The following PXT1 variants were observed in gnomAD, a reference collection of about 807,000 sequenced individuals.
PXT1 encodes the protein peroxisomal testis-specific protein 1.
PXT1 carries 11 observed loss-of-function variants against 11.0 expected under a neutral mutation model. The ratio of observed to expected loss-of-function variants is 1.00; its 90% CI spans 0.63 to 1.66. The LOEUF is 1.66. PXT1 is among the 40% of genes most tolerant of loss of function. The pLI is 0.00. For missense variants in PXT1, 141 were observed against 155.5 expected (o/e 0.91, Z 0.49); for synonymous variants, 43 against 51.4 (o/e 0.84, Z 0.70).
At chr6:36,411,839 C>T (rs1458628536) in intron 3 of PXT1, among the ~76,000 whole-genome samples, 1 of 151,902 alleles carries the variant, frequency 6.6e-6, no homozygotes, top group African/African-American at 2.4e-5. Context: ...GTCCCACCTA[C>T]TCAGAGGCCG....
intron 3 of PXT1, among the ~76,000 whole-genome samples, chr6:36,402,180 C>T (rs533970759): frequency 6.6e-6 from 1 of 152,050 alleles, no homozygotes; most frequent in Non-Finnish European, 1.5e-5. Flanking sequence ...TTCCAGCAAC[C>T]AATGAGCGTT....
intron 3 of PXT1, among the ~76,000 whole-genome samples, chr6:36,409,288 A>G (rs1774333814): frequency 6.6e-6 from 1 of 152,174 alleles, no homozygotes; most frequent in African/African-American, 2.4e-5. Flanking sequence ...TGAGAGACCT[A>G]TGTGTGTTTC....
At chr6:36,435,027 T>C (rs1774742187) in intron 2 of PXT1, among the ~76,000 whole-genome samples, 3 of 151,398 alleles carry the variant, frequency 2.0e-5, no homozygotes, top group Admixed American at 1.3e-4. Flanking sequence ...AAGACAAATA[T>C]GGACAATAAA....
intron 3 of PXT1, among the ~76,000 whole-genome samples, chr6:36,410,868 T>C (rs1774363153): frequency 6.6e-6 from 1 of 152,150 alleles, no homozygotes; most frequent in South Asian, 2.1e-4. Flanking sequence ...TTAGGCATAG[T>C]GGTAGAATTC....
chr6:36,439,875 T>TATCCTGACTCCCCA (rs1774830294), intron 1 of PXT1, among the ~76,000 whole-genome samples: 1 of 152,146 alleles, frequency 6.6e-6, no homozygotes, highest in Non-Finnish European at 1.5e-5. Flanking sequence ...CTGACTCCCC[T>TATCCTGACTCCCCA]ATCCTGACTC....
In PXT1 at chr6:36,437,658, C is replaced by T. The variant is rs533593670; in HGVS notation, c.-10+1109G>A. 1.9e-4 allele frequency among the ~76,000 whole-genome samples: 29 copies of T among 148,748 alleles called. 1 individual carries two copies. Among genetic ancestry groups the T allele is most frequent in the African/African-American group, 6.9e-4 (28 of 40,492 alleles). ...CCTCCTGAGTAGCTGGGACTACAGG[C>T]GCCCGCCACCATGCCTGGCTAATTT... On this transcript the variant is annotated intron_variant, in intron 2 of 4. Transcript: ENST00000454782.
In PXT1 at chr6:36,418,787, G is replaced by A. The variant is rs946772372; in HGVS notation, c.169+7127C>T. Among the ~76,000 whole-genome samples, 4 of 152,164 alleles carry A rather than the reference G, an allele frequency of 2.6e-5. No individual in the cohort carries two copies. In the South Asian group the frequency reaches 6.2e-4, roughly 24 times the overall value. ...TGGAGAGTACCGACTCACTTCCACC[G>A]TTACACTCCCACTCTCCTCCAGAGG... is the stretch of plus-strand genomic sequence containing the variant. On this transcript the variant is annotated intron_variant, in intron 3 of 4. Coordinates refer to ENST00000454782, the MANE Select transcript of PXT1 (RefSeq NM_152990.4).
chr6:36,438,630 G>C (rs1397111646), intron 2 of PXT1, 137 bp downstream of exon 2: 1 of 152,126 alleles, frequency 6.6e-6, no homozygotes, highest in African/African-American at 2.4e-5. Context: ...CACCGTGTTA[G>C]CCGGGATGGT....
chr6:36,439,712 T>C (rs1774828101), intron 1 of PXT1, among the ~76,000 whole-genome samples: 1 of 148,526 alleles, frequency 6.7e-6, no homozygotes, highest in Admixed American at 6.7e-5. Context: ...TGTGTGTTCA[T>C]AAACAAGAGG....
At chr6:36,431,049 C>T (rs1582272036) in intron 2 of PXT1, among the ~76,000 whole-genome samples, 1 of 152,272 alleles carries the variant, frequency 6.6e-6, no homozygotes, top group East Asian at 1.9e-4. Context: ...CTCCTGACCT[C>T]AAGTGATACA....
At chr6:36,416,596 C>T (rs1166886874) in intron 3 of PXT1, among the ~76,000 whole-genome samples, 1 of 152,220 alleles carries the variant, frequency 6.6e-6, no homozygotes, top group Non-Finnish European at 1.5e-5. Context: ...TAAGCCTCAA[C>T]TTCTCTGTGC....
At chr6:36,425,385 AAT>A (rs1357239201) in intron 3 of PXT1, among the ~76,000 whole-genome samples, 2 of 152,228 alleles carry the variant, frequency 1.3e-5, no homozygotes, top group Non-Finnish European at 2.9e-5. Context: ...ATTCAGGGCT[AAT>A]GGAAACTAAA....
At chr6:36,392,864 C>T (rs1278775444) in intron 4 of PXT1, among the ~76,000 whole-genome samples, 6 of 152,254 alleles carry the variant, frequency 3.9e-5, no homozygotes, top group Middle Eastern at 3.4e-3. Flanking sequence ...TGTTGAAATG[C>T]GGCTTCTCTG....
intron 3 of PXT1, among the ~76,000 whole-genome samples, chr6:36,408,703 CAAAAAAA>C (rs60161051): frequency 1.1e-4 from 13 of 113,418 alleles, no homozygotes; most frequent in South Asian, 9.2e-4. Context: ...CTGTCTCTAC[CAAAAAAA>C]AAAAAAAAAA....
intron 2 of PXT1, among the ~76,000 whole-genome samples, chr6:36,436,096 T>TA (rs551965048): frequency 2.1e-4 from 7 of 33,966 alleles, no homozygotes; most frequent in Admixed American, 7.6e-4. Context: ...AAAAATTAAT[T>TA]AAAAAAAAAA....
At position 36,408,343 on chromosome 6, in the gene PXT1, A is replaced by G. The variant is rs190436054; in HGVS notation, c.170-7759T>C. Among the ~76,000 whole-genome samples, 29 of 146,854 alleles carry G rather than the reference A, an allele frequency of 2.0e-4. No individual in the cohort carries two copies. The East Asian group carries it at 5.4e-3, about 27-fold the overall frequency. On this transcript the variant is annotated intron_variant, in intron 3 of 4. Coordinates refer to ENST00000454782, the MANE Select transcript of PXT1 (RefSeq NM_152990.4). ...TGTTGCAGTGGCACAATCACAGCTC[A>G]CTGCAACCTGCTAGGCTCAAGCAAT... is the stretch of plus-strand genomic sequence containing the variant.
intron 2 of PXT1, among the ~76,000 whole-genome samples, chr6:36,433,939 G>T (rs565359652): frequency 4.6e-5 from 7 of 151,712 alleles, no homozygotes; most frequent in African/African-American, 1.5e-4. Context: ...CAGCAAAATA[G>T]ATAAATATAA....
chr6:36,412,185 C>G (rs559062008), intron 3 of PXT1, among the ~76,000 whole-genome samples: 1 of 150,824 alleles, frequency 6.6e-6, no homozygotes, highest in Admixed American at 6.6e-5. Flanking sequence ...AACCCCGTCT[C>G]TACCAAAAAC....
intron 3 of PXT1, among the ~76,000 whole-genome samples, chr6:36,408,701 A>T (rs1423831943): frequency 2.3e-5 from 1 of 43,372 alleles, no homozygotes; most frequent in East Asian, 7.9e-4. Flanking sequence ...GCCTGTCTCT[A>T]CCAAAAAAAA....
Sources: allele counts gnomAD v4.1 joint callset (sites outside exome capture counted in the v4.1 genomes callset), GRCh38; gene constraint gnomAD v4.1.1; transcripts MANE v1.5; gene names NCBI Gene and HGNC (gene_info 2026-07-23, HGNC 2026-07-21).